The following IP6K1 variants were observed in gnomAD, a reference collection of about 807,000 sequenced individuals.
IP6K1 encodes ATP:1D-myo-inositol-hexakisphosphate phosphotransferase.
Under a neutral mutation model 38.3 loss-of-function variants are expected in IP6K1, and 13 were observed. The ratio of observed to expected loss-of-function variants is 0.34; its 90% CI spans 0.22 to 0.54. The LOEUF (loss-of-function observed/expected upper bound fraction) is 0.54, where lower values mean the gene tolerates loss of function less well. Among genes scored for constraint, IP6K1 ranks in the 20% least tolerant of loss-of-function variants. The pLI, the probability that IP6K1 is intolerant of heterozygous loss-of-function variation, is 0.92. For missense variants in IP6K1, 397 were observed against 599.8 expected (o/e 0.66, Z 3.53); for synonymous variants, 212 against 229.9 (o/e 0.92, Z 0.70).
At chr3:49,763,818 C>T (rs1283958087) in intron 1 of IP6K1, among the ~76,000 whole-genome samples, 2 of 151,858 alleles carry the variant, frequency 1.3e-5, no homozygotes, top group Non-Finnish European at 1.5e-5. Flanking sequence ...GAGTTCGAAA[C>T]CAGCCTGGCC....
chr3:49,785,891 G>A (rs1367102771), intron 1 of IP6K1: 1 of 152,250 alleles, frequency 6.6e-6, no homozygotes, highest in African/African-American at 2.4e-5. Context: ...ATAGGGCCGT[G>A]ACACCGGCCT....
intron 1 of IP6K1, among the ~76,000 whole-genome samples, chr3:49,784,990 T>C (rs774085853): frequency 6.6e-6 from 1 of 152,096 alleles, no homozygotes; most frequent in Non-Finnish European, 1.5e-5. Flanking sequence ...CACAAAGTAT[T>C]GTCGCTTGAC....
chr3:49,736,705 A>G (rs922574925), intron 3 of IP6K1, among the ~76,000 whole-genome samples: 1 of 151,834 alleles, frequency 6.6e-6, no homozygotes, highest in African/African-American at 2.4e-5. Flanking sequence ...TTGTGGGAAT[A>G]TATGTATTCA....
chr3:49,735,069 T>C (rs2080596473), intron 3 of IP6K1, among the ~76,000 whole-genome samples: 1 of 152,158 alleles, frequency 6.6e-6, no homozygotes, highest in Non-Finnish European at 1.5e-5. Flanking sequence ...AAAAGCCCAC[T>C]CTAGACTGGG....
chr3:49,772,238 T>C (rs946339026), intron 1 of IP6K1, among the ~76,000 whole-genome samples: 1 of 147,958 alleles, frequency 6.8e-6, no homozygotes, highest in Non-Finnish European at 1.5e-5. Flanking sequence ...TATATATATA[T>C]ATATGTGTGT....
chr3:49,777,348 G>A (rs1410579490), intron 1 of IP6K1, among the ~76,000 whole-genome samples: 1 of 151,864 alleles, frequency 6.6e-6, no homozygotes, highest in Admixed American at 6.6e-5. Flanking sequence ...GATTGCCTGA[G>A]GTCAAGAGAT....
intron 4 of IP6K1, among the ~76,000 whole-genome samples, chr3:49,732,355 G>A (rs181076703): frequency 2.6e-5 from 4 of 152,256 alleles, no homozygotes; most frequent in South Asian, 2.1e-4. Context: ...GCACACAAGC[G>A]CATATGGGCA....
chr3:49,748,689 G>C (rs191604558), intron 1 of IP6K1, among the ~76,000 whole-genome samples: 25 of 152,276 alleles, frequency 1.6e-4, no homozygotes, highest in Non-Finnish European at 3.2e-4. Context: ...ATTCATTGCT[G>C]AGCTGTAGGA....
intron 1 of IP6K1, among the ~76,000 whole-genome samples, chr3:49,783,777 C>T (rs2081088528): frequency 6.6e-6 from 1 of 151,118 alleles, no homozygotes; most frequent in South Asian, 2.1e-4. Context: ...TCAAGAACTG[C>T]CCAAGGAACT....
chr3:49,762,706 T>A (rs1387960575), intron 1 of IP6K1, among the ~76,000 whole-genome samples: 2 of 152,060 alleles, frequency 1.3e-5, no homozygotes, highest in African/African-American at 4.8e-5. Flanking sequence ...CAATCTTACA[T>A]AATTTTTTTT....
chr3:49,749,092 G>A (rs898397503), intron 1 of IP6K1, among the ~76,000 whole-genome samples: 2 of 152,194 alleles, frequency 1.3e-5, no homozygotes, highest in Non-Finnish European at 2.9e-5. Context: ...GGTAATGCAA[G>A]CAAGGGGAGC....
At chr3:49,761,066 A>G (rs1479720366) in intron 1 of IP6K1, among the ~76,000 whole-genome samples, 1 of 152,240 alleles carries the variant, frequency 6.6e-6, no homozygotes, top group African/African-American at 2.4e-5. Flanking sequence ...CTGTAATCCC[A>G]GCACTTTGGG....
rs1054932463 is a variant in IP6K1, at chr3:49,755,064, T to C, written c.-128-6896A>G. 3.3e-5 allele frequency among the ~76,000 whole-genome samples: 5 copies of C among 151,268 alleles called. No homozygotes were observed. In the East Asian group the frequency reaches 7.7e-4, roughly 23 times the overall value. ...CCCATATCATCAGCCTTCCAAGTAG[T>C]TGAAAACACAGGTGTGTGCCACCAA... On this transcript the variant is annotated intron_variant, in intron 1 of 5. Coordinates refer to ENST00000321599, the MANE Select transcript of IP6K1 (RefSeq NM_153273.4).
intron 4 of IP6K1, among the ~76,000 whole-genome samples, chr3:49,729,814 C>G (rs1296882054): frequency 6.6e-6 from 1 of 152,072 alleles, no homozygotes; most frequent in South Asian, 2.1e-4. Flanking sequence ...CGCTGCAGCA[C>G]TGACCACCTG....
chr3:49,727,504 A>G lies in IP6K1; in HGVS notation c.944T>C (p.Leu315Pro). The stretch of plus-strand genomic sequence containing the variant: ...CTCCAGCACAGCTTTCAGGCCCCGC[A>G]GTTTGCTCAGGATAGGCTCAAACAG... The part of the protein sequence containing the change: ...RDLFEPILSK[L>P]RGLKAVLERQ... The change falls in exon 6 of 6, where the codon CTG becomes CCG. Residue 315 changes from leucine (L) to proline (P), a missense_variant. Transcript: ENST00000321599. The surrounding 1 kb of genome is among the most constrained non-coding windows in gnomAD (Gnocchi z 5.9). 1 of 1,614,180 alleles carries G rather than the reference A, an allele frequency of 6.2e-7. No homozygotes were observed. Among genetic ancestry groups the G allele is most frequent in the Non-Finnish European group, 8.5e-7 (1 of 1,180,016 alleles).
At chr3:49,760,950 T>G (rs1014765787) in intron 1 of IP6K1, among the ~76,000 whole-genome samples, 1 of 152,212 alleles carries the variant, frequency 6.6e-6, no homozygotes, top group Non-Finnish European at 1.5e-5. Flanking sequence ...GAAAAAACAC[T>G]TTTCAAATAT....
At chr3:49,734,950 C>G (rs1309108694) in intron 3 of IP6K1, among the ~76,000 whole-genome samples, 1 of 152,146 alleles carries the variant, frequency 6.6e-6, no homozygotes, top group Non-Finnish European at 1.5e-5. Context: ...AGGGCAGGAC[C>G]TTGAACCTGG....
chr3:49,729,238 G>GA, intron 4 of IP6K1, among the ~76,000 whole-genome samples: 1 of 152,124 alleles, frequency 6.6e-6, no homozygotes, highest in East Asian at 1.9e-4. Context: ...TCACTTAGCA[G>GA]AATGTATTCA....
intron 1 of IP6K1, among the ~76,000 whole-genome samples, chr3:49,761,949 CTCTT>C (rs1014200208): frequency 1.3e-5 from 2 of 151,842 alleles, no homozygotes; most frequent in Non-Finnish European, 2.9e-5. Context: ...CTGTCTCTCT[CTCTT>C]TCATTTATTT....
Sources: allele counts gnomAD v4.1 joint callset (sites outside exome capture counted in the v4.1 genomes callset), GRCh38; gene constraint gnomAD v4.1.1; non-coding constraint Gnocchi (gnomAD v3.1); transcripts MANE v1.5; gene names NCBI Gene and HGNC (gene_info 2026-07-23, HGNC 2026-07-21).